The following ANKDD1A variants were observed in gnomAD, a reference collection of about 807,000 sequenced individuals.
The protein encoded by ANKDD1A is ankyrin repeat and death domain-containing protein 1A.
A neutral mutation model predicts 63.5 loss-of-function variants in ANKDD1A; 59 were observed. That is an observed-to-expected ratio of 0.93 (90% confidence interval 0.75 to 1.15). The LOEUF (loss-of-function observed/expected upper bound fraction) is 1.15, where lower values mean the gene tolerates loss of function less well. ANKDD1A is among the 50% of genes most tolerant of loss of function. The probability of loss-of-function intolerance (pLI) is 0.00; values close to 1 mark genes in which losing one functional copy is unlikely to be tolerated. For missense variants in ANKDD1A, 632 were observed against 656.4 expected (o/e 0.96, Z 0.41); for synonymous variants, 266 against 263.9 (o/e 1.01, Z -0.08).
rs531533763 is a variant in ANKDD1A, at chr15:64,925,484, G to A, written c.367-582G>A. 1.3e-4 allele frequency among the ~76,000 whole-genome samples: 20 copies of A among 152,058 alleles called. No individual in the cohort carries two copies. The South Asian group carries it at 3.1e-3, about 24-fold the overall frequency. On this transcript the variant is annotated intron_variant, in intron 4 of 14. Coordinates refer to ENST00000319580, the MANE Select transcript of ANKDD1A (RefSeq NM_182703.6). ...TTCTTCCTGTCCACCCCCAACCCAG[G>A]CCACTTCCCTCTACTCCCTGCAGAC...
At chr15:64,928,475 A>T (rs1209828142) in intron 6 of ANKDD1A, among the ~76,000 whole-genome samples, 1 of 152,232 alleles carries the variant, frequency 6.6e-6, no homozygotes, top group Non-Finnish European at 1.5e-5. Flanking sequence ...TGCAATCAGA[A>T]ATTCTGCAAA....
chr15:64,921,215 T>G (rs1463661539), intron 3 of ANKDD1A, among the ~76,000 whole-genome samples: 1 of 152,230 alleles, frequency 6.6e-6, no homozygotes, highest in Non-Finnish European at 1.5e-5. Context: ...GCTCAAGTGA[T>G]TCACATCTCA....
At chr15:64,913,060 C>T (rs2084944524) in intron 1 of ANKDD1A, among the ~76,000 whole-genome samples, 1 of 152,212 alleles carries the variant, frequency 6.6e-6, no homozygotes, top group Admixed American at 6.5e-5. Context: ...GACTTGATTT[C>T]ATTCTAACTT....
intron 7 of ANKDD1A, 44 bp from the exon 8 acceptor site, chr15:64,931,443 G>T: frequency 6.3e-7 from 1 of 1,579,348 alleles, no homozygotes; most frequent in Non-Finnish European, 8.6e-7. Flanking sequence ...TCACTTGGGG[G>T]TGGGCCTCCC....
chr15:64,942,629 G>T, intron 10 of ANKDD1A, 64 bp downstream of exon 10: 2 of 1,394,998 alleles, frequency 1.4e-6, no homozygotes, highest in East Asian at 2.5e-5. Flanking sequence ...AGGCTGGCAG[G>T]CTTGGCTGTG....
chr15:64,948,359 A>G (rs2085240244), intron 13 of ANKDD1A, among the ~76,000 whole-genome samples: 1 of 152,220 alleles, frequency 6.6e-6, no homozygotes, highest in Non-Finnish European at 1.5e-5. Flanking sequence ...TTAGATTAAA[A>G]CTTTGATCTA....
Position 64,950,080 on chromosome 15 carries a change from C to T in ANKDD1A, c.1483+108C>T, listed in dbSNP as rs1009882070. ...AGACAAGAATGCTGTGATGCTGGCT[C>T]TAGGCCTTCCAGATTCCTACCCCTA... is the stretch of plus-strand genomic sequence containing the variant. On this transcript the variant is annotated intron_variant, in intron 14 of 14. Coordinates refer to ENST00000319580, the MANE Select transcript of ANKDD1A (RefSeq NM_182703.6). 3.3e-6 allele frequency: 5 copies of T among 1,531,558 alleles called. No individual in the cohort carries two copies. In the African/African-American group the frequency reaches 5.5e-5, roughly 17 times the overall value. The allele number at this position is 1,531,558 out of a possible 1,614,324, so 94.9% of individuals were successfully genotyped here. A position where few individuals can be genotyped will look rare whatever the true frequency, so the allele number is the denominator to read the frequency against.
intron 8 of ANKDD1A, chr15:64,932,725 A>C (rs1027859958): frequency 6.6e-6 from 1 of 152,166 alleles, no homozygotes; most frequent in Non-Finnish European, 1.5e-5. Context: ...GCAGTTCAAA[A>C]ACAGAGAATT....
chr15:64,942,288 G>T (rs770044296), intron 9 of ANKDD1A, among the ~76,000 whole-genome samples, 179 bp from the exon 10 acceptor site: 7 of 152,106 alleles, frequency 4.6e-5, no homozygotes, highest in African/African-American at 9.7e-5. Context: ...TCAGTTTGGG[G>T]CTCCAGGAAT....
At chr15:64,915,645 A>C in intron 1 of ANKDD1A, 152 bp from the exon 2 acceptor site, 1 of 599,646 alleles carries the variant, frequency 1.7e-6, no homozygotes, top group African/African-American at 1.9e-5. Context: ...CCTGACCTTG[A>C]GAGGGAGGAG....
rs758965175 is a variant in ANKDD1A at position 64,947,415 on chromosome 15, T to C, written c.1173T>C (p.Ser391=). Residue 391 remains serine (S), a synonymous_variant, in exon 13 of 15, where the codon AGT becomes AGC. Coordinates refer to ENST00000319580, the MANE Select transcript of ANKDD1A (RefSeq NM_182703.6). ...RFYRWEKDHP[S]DPSGKSLSFK... ...GATCTGCCCCACAGGACCACCCCAG[T>C]GATCCCTCTGGGAAGAGCTTGTCCT... is the stretch of plus-strand genomic sequence containing the variant. The C allele has an allele frequency of 3.7e-6, 6 of 1,612,664 alleles. No individual in the cohort carries two copies. Among genetic ancestry groups the C allele is most frequent in the Non-Finnish European group, 5.1e-6 (6 of 1,178,964 alleles).
At position 64,951,938 on chromosome 15, in the gene ANKDD1A, TTTTC is replaced by T. The variant is rs1566916150; in HGVS notation, c.1483+1969_1483+1972del. ...CTTGTTCTTTCCTCTTCTTCCTTTCTTTTCTTCTTCTTCTTTCCTTCTGCTCTTC... is the reference window on the plus strand; with the variant it reads ...CTTGTTCTTTCCTCTTCTTCCTTTCTTTCTTCTTCTTTCCTTCTGCTCTTC... On this transcript the variant is annotated intron_variant, in intron 14 of 14. Transcript: ENST00000319580. Among the ~76,000 whole-genome samples, 7 of 142,040 alleles carry T rather than the reference TTTTC, an allele frequency of 4.9e-5. No individual in the cohort carries two copies. The East Asian group carries it at 1.4e-3, about 28-fold the overall frequency. 93.2% of individuals were successfully genotyped at this position (142,040 alleles called of 152,430 possible).
Position 64,944,668 on chromosome 15 carries a change from T to C in ANKDD1A, c.1082T>C (p.Leu361Pro), listed in dbSNP as rs765204319. 1.2e-6 allele frequency: 2 copies of C among 1,614,072 alleles called. No individual in the cohort carries two copies. The highest frequency in any genetic ancestry group is 2.2e-5 in the East Asian group (1 of 44,884). Reference sequence around the variant, plus strand: ...TAATTGCAGCAGGGAAAAACCGCCCTGGCAGTGGCCGTCCGCAGCAACCAT... The same window carrying C: ...TAATTGCAGCAGGGAAAAACCGCCCCGGCAGTGGCCGTCCGCAGCAACCAT... ...NLRDKQGKTA[L>P]AVAVRSNHVS... The change falls in exon 12 of 15, where the codon CTG becomes CCG. Residue 361 changes from leucine to proline, a missense_variant. Coordinates refer to ENST00000319580, the MANE Select transcript of ANKDD1A (RefSeq NM_182703.6).
chr15:64,949,725 C>T lies in ANKDD1A; in HGVS notation c.1352-116C>T, dbSNP rs112137883. On this transcript the variant is annotated intron_variant, in intron 13 of 14. Transcript: ENST00000319580. ...GAGAAGGGCCTTGGAGGCTTTTGGC[C>T]TCTTTCCCACCTGGGCATGTTCAGG... 2.0e-5 allele frequency: 30 copies of T among 1,481,820 alleles called. 2 individuals are homozygous for T. Among genetic ancestry groups the T allele is most frequent in the African/African-American group, 1.1e-4 (8 of 72,220 alleles). The allele number at this position is 1,481,820 out of a possible 1,614,324, so 91.8% of individuals were successfully genotyped here.
intron 6 of ANKDD1A, among the ~76,000 whole-genome samples, chr15:64,928,360 G>A (rs1342144295): frequency 6.6e-6 from 1 of 152,220 alleles, no homozygotes; most frequent in East Asian, 1.9e-4. Flanking sequence ...GCCAGGACTG[G>A]CAAACCCAAG....
intron 10 of ANKDD1A, 70 bp downstream of exon 10, chr15:64,942,635 C>A: frequency 8.1e-7 from 1 of 1,233,770 alleles, no homozygotes; most frequent in Non-Finnish European, 1.1e-6. Flanking sequence ...GCAGGCTTGG[C>A]TGTGGTCTCC....
intron 3 of ANKDD1A, among the ~76,000 whole-genome samples, chr15:64,918,385 T>C (rs184587534): frequency 1.3e-4 from 20 of 152,338 alleles, no homozygotes; most frequent in Admixed American, 2.0e-4. Flanking sequence ...TGATTACTAG[T>C]TGGGGTTGAG....
At chr15:64,955,298 C>T (rs2085407845) in intron 14 of ANKDD1A, among the ~76,000 whole-genome samples, 1 of 152,116 alleles carries the variant, frequency 6.6e-6, no homozygotes, top group Non-Finnish European at 1.5e-5. Flanking sequence ...CGTGATCTTC[C>T]CCAGGGATGG....
rs1419832434 is a variant in ANKDD1A, at chr15:64,954,638, TCTTC to T, written c.1484-2460_1484-2457del. On this transcript the variant is annotated intron_variant, in intron 14 of 14. Coordinates refer to ENST00000319580, the MANE Select transcript of ANKDD1A (RefSeq NM_182703.6). Reference sequence around the variant, plus strand: ...CTTCCTCTTTTCTTCTTCCTTTTCTTCTTCCTTCTTCTTCTCCTTCTTTCTTCTT... The same window carrying T: ...CTTCCTCTTTTCTTCTTCCTTTTCTTCTTCTTCTTCTCCTTCTTTCTTCTT... Among the ~76,000 whole-genome samples, 524 of 73,162 alleles carry T rather than the reference TCTTC, an allele frequency of 7.2e-3. 7 individuals are homozygous for T. The highest frequency in any genetic ancestry group is 9.7e-3 in the Non-Finnish European group (234 of 24,158). 48.0% of individuals were successfully genotyped at this position (73,162 alleles called of 152,430 possible). A position where few individuals can be genotyped will look rare whatever the true frequency, so the allele number is the denominator to read the frequency against.
Sources: allele counts gnomAD v4.1 joint callset (sites outside exome capture counted in the v4.1 genomes callset), GRCh38; gene constraint gnomAD v4.1.1; transcripts MANE v1.5; gene names NCBI Gene and HGNC (gene_info 2026-07-23, HGNC 2026-07-21).